The following GLE1 variants were observed in gnomAD, a reference collection of about 807,000 sequenced individuals.
GLE1 encodes mRNA export factor GLE1.
Under a neutral mutation model 97.3 loss-of-function variants are expected in GLE1, and 78 were observed. That is an observed-to-expected ratio of 0.80 (90% confidence interval 0.67 to 0.97). The LOEUF (loss-of-function observed/expected upper bound fraction) is 0.97, where lower values mean the gene tolerates loss of function less well. GLE1 is among the 50% of genes least tolerant of loss of function. The pLI is 0.00. For synonymous variants in GLE1, 302 were observed against 313.4 expected, an observed-to-expected ratio of 0.96 and a Z score of 0.39; for missense variants, 753 against 857.5, an observed-to-expected ratio of 0.88 and a Z score of 1.52.
chr9:128,540,788 T>C (rs969654145), intron 15 of GLE1: 1 of 430,542 alleles, frequency 2.3e-6, no homozygotes. Context: ...TATAGTGGGT[T>C]TGCCAAGATA....
At chr9:128,511,073 G>A (rs978076834) in intron 2 of GLE1, among the ~76,000 whole-genome samples, 7 of 150,590 alleles carry the variant, frequency 4.6e-5, no homozygotes, top group African/African-American at 1.2e-4. Flanking sequence ...GCGTCGTGGC[G>A]CACGCCTGTA....
chr9:128,539,531 T>C, intron 13 of GLE1, 85 bp from the exon 14 acceptor site: 2 of 1,146,738 alleles, frequency 1.7e-6, no homozygotes, highest in Non-Finnish European at 2.6e-6. Context: ...GTGTGAAAGA[T>C]GAAGGGCTGA....
Position 128,522,817 on chromosome 9 carries a change from G to A in GLE1, c.581+1G>A. 6.2e-7 allele frequency: 1 copy of A among 1,613,688 alleles called. No individual in the cohort carries two copies. The highest frequency in any genetic ancestry group is 1.3e-5 in the African/African-American group (1 of 75,004). On this transcript the variant is annotated splice_donor_variant, in intron 4 of 15. Transcript: ENST00000309971. LOFTEE classifies it high-confidence loss of function. ...ACTTGCGGGAAGTAATGGAGAAGAG[G>A]TGAGTCTCCCTGAATTATGACTGGG...
chr9:128,536,336 A>AT lies in GLE1; in HGVS notation c.1647-13dup. On this transcript the variant is annotated intron_variant, in intron 11 of 15. Transcript: ENST00000309971. ...AGCGTGAGCCACCACACCCGGCCAA[A>AT]TTTTTTCTTCCCGTATAGGATGCTT... 6.2e-7 allele frequency: 1 copy of AT among 1,610,776 alleles called. No homozygotes were observed. The highest frequency in any genetic ancestry group is 8.5e-7 in the Non-Finnish European group (1 of 1,178,016).
Position 128,522,742 on chromosome 9 carries a change from G to A in GLE1, c.507G>A (p.Leu169=), listed in dbSNP as rs1847190371. 1 of 1,613,190 alleles carries A rather than the reference G, an allele frequency of 6.2e-7. No individual in the cohort carries two copies. The highest frequency in any genetic ancestry group is 1.3e-5 in the African/African-American group (1 of 74,702). ...TCTCGGAGATGGCATCTGAACAACT[G>A]AAGCGGTTTGATGAATGGAAGGAAC... ...QALSEMASEQ[L]KRFDEWKELK... The change falls in exon 4 of 16, where the codon CTG becomes CTA. Residue 169 remains leucine (L), a synonymous_variant. Transcript: ENST00000309971.
At chr9:128,516,815 G>A (rs533238659) in intron 3 of GLE1, among the ~76,000 whole-genome samples, 26 of 149,802 alleles carry the variant, frequency 1.7e-4, no homozygotes, top group African/African-American at 4.7e-4. Context: ...TAGTAGAGAC[G>A]GGGTTTCACC....
At chr9:128,510,864 T>C (rs1312858517) in intron 2 of GLE1, among the ~76,000 whole-genome samples, 1 of 149,242 alleles carries the variant, frequency 6.7e-6, no homozygotes, top group South Asian at 2.1e-4. Flanking sequence ...ACATAGAAAG[T>C]ATTTTTTTTC....
intron 13 of GLE1, among the ~76,000 whole-genome samples, chr9:128,539,166 T>G (rs1024198758): frequency 6.6e-6 from 1 of 152,086 alleles, no homozygotes; most frequent in African/African-American, 2.4e-5. Context: ...CCAGGGAGGT[T>G]GAGGCTACAG....
intron 9 of GLE1, among the ~76,000 whole-genome samples, chr9:128,529,709 CCT>C (rs538002331): frequency 2.6e-5 from 4 of 151,130 alleles, no homozygotes; most frequent in African/African-American, 4.8e-5. Flanking sequence ...TCCCTCTCTC[CCT>C]CTCTCTCTCT....
At chr9:128,511,510 A>G (rs999438265) in intron 2 of GLE1, among the ~76,000 whole-genome samples, 3 of 151,470 alleles carry the variant, frequency 2.0e-5, no homozygotes, top group Non-Finnish European at 4.4e-5. Context: ...GATCAAGACC[A>G]TTCTGGCTAA....
chr9:128,514,788 C>T (rs1010773167), intron 2 of GLE1, among the ~76,000 whole-genome samples: 3 of 152,016 alleles, frequency 2.0e-5, no homozygotes, highest in Non-Finnish European at 4.4e-5. Flanking sequence ...ATCCGCCCAC[C>T]ACAGCCTCCC....
Position 128,528,808 on chromosome 9 carries a change from G to A in GLE1, c.1312+1283G>A, listed in dbSNP as rs143723122. On this transcript the variant is annotated intron_variant, in intron 9 of 15. Transcript: ENST00000309971. ...CTCCAGGACTCCTTTTCTCTCCAGA[G>A]ACTGAGGTTTAGAAAGTGAGAACCA... 17 of 152,324 alleles carry A rather than the reference G, an allele frequency of 1.1e-4. No homozygotes were observed. In the East Asian group the frequency reaches 3.3e-3, roughly 29 times the overall value. The allele number at this position is 152,324 out of a possible 1,614,324, so 9.4% of individuals were successfully genotyped here. A position where few individuals can be genotyped will look rare whatever the true frequency, so the allele number is the denominator to read the frequency against.
intron 3 of GLE1, among the ~76,000 whole-genome samples, chr9:128,521,450 C>G (rs1847149803): frequency 6.6e-6 from 1 of 152,112 alleles, no homozygotes. Flanking sequence ...GGGATGATCC[C>G]TTGAGCTCAG....
At chr9:128,529,218 C>T (rs547938369) in intron 9 of GLE1, among the ~76,000 whole-genome samples, 1 of 152,232 alleles carries the variant, frequency 6.6e-6, no homozygotes, top group Non-Finnish European at 1.5e-5. Context: ...GATGGCCGTT[C>T]CCAGTTCCCC....
Position 128,527,437 on chromosome 9 carries a change from C to T in GLE1, c.1243-19C>T, listed in dbSNP as rs778599170. ...TCAGCTCTTCAGAACACTGCTTTCTCACTGTTCTCTTCTGGCAGGCCAAAA... is the reference window on the plus strand; with the variant it reads ...TCAGCTCTTCAGAACACTGCTTTCTTACTGTTCTCTTCTGGCAGGCCAAAA... On this transcript the variant is annotated intron_variant, in intron 8 of 15. Coordinates refer to ENST00000309971, the MANE Select transcript of GLE1 (RefSeq NM_001003722.2). The T allele has an allele frequency of 2.5e-6, 4 of 1,591,868 alleles. No homozygotes were observed. In the Admixed American group the frequency reaches 5.0e-5, roughly 20 times the overall value.
intron 3 of GLE1, 94 bp downstream of exon 3, chr9:128,515,733 C>T (rs1175079205): frequency 6.9e-6 from 5 of 729,810 alleles, no homozygotes; most frequent in Non-Finnish European, 1.2e-5. Context: ...GTATGCTACT[C>T]ATCCTTCCCA....
At chr9:128,515,777 G>C (rs1350223770) in intron 3 of GLE1, 138 bp downstream of exon 3, 1 of 683,502 alleles carries the variant, frequency 1.5e-6, no homozygotes, top group East Asian at 2.7e-5. Flanking sequence ...GTGTAATAGA[G>C]GTCAGGAGTG....
At chr9:128,527,373 G>C in intron 8 of GLE1, 82 bp downstream of exon 8, 1 of 1,278,340 alleles carries the variant, frequency 7.8e-7, no homozygotes, top group South Asian at 1.2e-5. Flanking sequence ...AAGGAATGTA[G>C]CTGGCATGTC....
chr9:128,518,862 CAAA>C (rs909204943), intron 3 of GLE1, among the ~76,000 whole-genome samples: 5 of 69,724 alleles, frequency 7.2e-5, no homozygotes, highest in Admixed American at 1.7e-4. Flanking sequence ...AGCGAGACTC[CAAA>C]AAAAAAAAAA....
Sources: allele counts gnomAD v4.1 joint callset (sites outside exome capture counted in the v4.1 genomes callset), GRCh38; gene constraint gnomAD v4.1.1; transcripts MANE v1.5; gene names NCBI Gene and HGNC (gene_info 2026-07-23, HGNC 2026-07-21).